The following ATP10B variants were observed in gnomAD, a reference collection of about 807,000 sequenced individuals.
ATP10B encodes the protein phospholipid-transporting ATPase VB.
Under a neutral mutation model 141.2 loss-of-function variants are expected in ATP10B, and 122 were observed. The ratio of observed to expected loss-of-function variants is 0.86; its 90% CI spans 0.75 to 1.00. The LOEUF (loss-of-function observed/expected upper bound fraction) is 1.00. Ranked by LOEUF, ATP10B falls within the 50% of genes least tolerant of loss-of-function variation. The probability of loss-of-function intolerance (pLI) is 0.00; values close to 1 mark genes in which losing one functional copy is unlikely to be tolerated. For synonymous variants in ATP10B, 685 were observed against 692.0 expected (o/e 0.99, Z 0.16); for missense variants, 1,876 against 1,825.3 (o/e 1.03, Z -0.51).
intron 24 of ATP10B, among the ~76,000 whole-genome samples, chr5:160,584,029 G>A (rs1755721141): frequency 6.6e-6 from 1 of 152,068 alleles, no homozygotes; most frequent in African/African-American, 2.4e-5. Context: ...CCTTTCCAGG[G>A]GAGTGAACAG....
At chr5:160,818,735 A>T (rs892905373) in intron 1 of ATP10B, among the ~76,000 whole-genome samples, 1 of 152,226 alleles carries the variant, frequency 6.6e-6, no homozygotes, top group African/African-American at 2.4e-5. Flanking sequence ...AATAGCAAAG[A>T]CTTGGAACCA....
At chr5:160,597,209 G>A (rs1388692629) in intron 22 of ATP10B, among the ~76,000 whole-genome samples, 6 of 152,124 alleles carry the variant, frequency 3.9e-5, no homozygotes, top group Non-Finnish European at 5.9e-5. Flanking sequence ...ATAGATCAAT[G>A]GAACAGAACA....
intron 2 of ATP10B, 68 bp from the exon 3 acceptor site, chr5:160,717,102 G>A: frequency 1.1e-6 from 1 of 939,552 alleles, no homozygotes; most frequent in Non-Finnish European, 1.3e-6. Flanking sequence ...ATTTATATAA[G>A]GTTTAAAACA....
At chr5:160,821,555 AG>A (rs1488677575) in intron 1 of ATP10B, among the ~76,000 whole-genome samples, 1 of 152,086 alleles carries the variant, frequency 6.6e-6, no homozygotes. Context: ...GAAGAATCAA[AG>A]CTTTTCCAAA....
At chr5:160,901,428 A>T in the ATP10B span, among the ~76,000 whole-genome samples, 3 of 152,192 alleles carry the variant, frequency 2.0e-5, no homozygotes, top group Non-Finnish European at 2.9e-5. Context: ...ATTAAATTAA[A>T]AGTAGTTAGA....
chr5:160,928,861 C>A, the ATP10B span, among the ~76,000 whole-genome samples: 2 of 152,218 alleles, frequency 1.3e-5, no homozygotes, highest in Non-Finnish European at 2.9e-5. Flanking sequence ...CATTTCCAAG[C>A]AGTCAGTAGC....
chr5:160,602,611 G>C lies in ATP10B; in HGVS notation c.3329C>G (p.Ala1110Gly). 1 of 1,613,956 alleles carries C rather than the reference G, an allele frequency of 6.2e-7. No homozygotes were observed. The highest frequency in any genetic ancestry group is 8.5e-7 in the Non-Finnish European group (1 of 1,179,874). The change falls in exon 21 of 26, where the codon GCC becomes GGC. Residue 1110 changes from alanine (A) to glycine (G), a missense_variant. Coordinates refer to ENST00000327245, the MANE Select transcript of ATP10B (RefSeq NM_025153.3). ...GTAGAGGTAGTACACCACCATCCTG[G>C]CCAGGCGCGAGTAACACCAGTGGCC... The part of the protein sequence containing the change: ...VHGHWCYSRL[A>G]RMVVYYLYKN...
chr5:160,860,398 A>G, the ATP10B span, among the ~76,000 whole-genome samples: 1 of 151,926 alleles, frequency 6.6e-6, no homozygotes, highest in African/African-American at 2.4e-5. Context: ...TAACTAAATG[A>G]GATAAGTTTA....
intron 1 of ATP10B, among the ~76,000 whole-genome samples, chr5:160,834,993 A>C (rs1315452079): frequency 6.6e-6 from 1 of 152,132 alleles, no homozygotes; most frequent in Non-Finnish European, 1.5e-5. Context: ...GTTCCATTGA[A>C]ACTGAGAATT....
chr5:160,634,190 C>T (rs745838581), intron 12 of ATP10B, 164 bp downstream of exon 12: 2 of 948,944 alleles, frequency 2.1e-6, no homozygotes, highest in Non-Finnish European at 3.4e-6. Flanking sequence ...TTGGAACAGC[C>T]CTGATCTGTG....
intron 2 of ATP10B, among the ~76,000 whole-genome samples, chr5:160,765,575 A>G (rs1248234808): frequency 6.6e-6 from 1 of 152,196 alleles, no homozygotes; most frequent in Non-Finnish European, 1.5e-5. Context: ...AGTTGGATCA[A>G]ATACTTAAAT....
At chr5:160,784,663 CTAAGTA>C (rs1771002874) in intron 2 of ATP10B, among the ~76,000 whole-genome samples, 3 of 152,170 alleles carry the variant, frequency 2.0e-5, no homozygotes, top group South Asian at 2.1e-4. Flanking sequence ...TATCTAGAGT[CTAAGTA>C]TTTCTTTCAT....
At chr5:160,845,451 G>A (rs1046301473) in intron 1 of ATP10B, among the ~76,000 whole-genome samples, 1 of 152,132 alleles carries the variant, frequency 6.6e-6, no homozygotes, top group African/African-American at 2.4e-5. Flanking sequence ...GGCACACCAG[G>A]ACCTTCTCGA....
chr5:160,647,292 T>A (rs534342758), intron 8 of ATP10B, among the ~76,000 whole-genome samples: 84 of 152,220 alleles, frequency 5.5e-4, no homozygotes, highest in African/African-American at 2.0e-3. Context: ...GTGGAGACCA[T>A]CTGTGGGTGC....
At chr5:160,647,293 C>T (rs1215702909) in intron 8 of ATP10B, among the ~76,000 whole-genome samples, 2 of 152,174 alleles carry the variant, frequency 1.3e-5, no homozygotes, top group African/African-American at 4.8e-5. Context: ...TGGAGACCAT[C>T]TGTGGGTGCC....
chr5:160,760,909 G>A (rs1024319843), intron 2 of ATP10B, among the ~76,000 whole-genome samples: 19 of 151,968 alleles, frequency 1.3e-4, no homozygotes, highest in Non-Finnish European at 1.3e-4. Context: ...TACCCTCCCC[G>A]AAACTGATGG....
chr5:160,717,084 T>C, intron 2 of ATP10B, 50 bp from the exon 3 acceptor site: 2 of 976,022 alleles, frequency 2.0e-6, no homozygotes, highest in Non-Finnish European at 2.4e-6. Context: ...AGTTCAGTTA[T>C]AAATGCTATT....
chr5:160,580,283 T>C (rs1755459519), intron 24 of ATP10B, among the ~76,000 whole-genome samples: 1 of 152,230 alleles, frequency 6.6e-6, no homozygotes, highest in African/African-American at 2.4e-5. Context: ...CCATTCAGTA[T>C]GATATTGGCT....
intron 18 of ATP10B, among the ~76,000 whole-genome samples, chr5:160,608,357 C>G (rs985935660): frequency 6.6e-6 from 1 of 152,110 alleles, no homozygotes; most frequent in South Asian, 2.1e-4. Context: ...GGTTCCAGGT[C>G]TCTGCTATTG....
Sources: allele counts gnomAD v4.1 joint callset (sites outside exome capture counted in the v4.1 genomes callset), GRCh38; gene constraint gnomAD v4.1.1; transcripts MANE v1.5; gene names NCBI Gene and HGNC (gene_info 2026-07-23, HGNC 2026-07-21).